IFT122: variants seen among roughly 807,000 people sequenced by gnomAD.
IFT122 encodes the protein intraflagellar transport 122.
IFT122 carries 118 observed loss-of-function variants against 161.6 expected under a neutral mutation model. The ratio of observed to expected loss-of-function variants is 0.73; its 90% CI spans 0.63 to 0.85. The LOEUF (loss-of-function observed/expected upper bound fraction) is 0.85, where lower values mean the gene tolerates loss of function less well. Among genes scored for constraint, IFT122 ranks in the 40% least tolerant of loss-of-function variants. The pLI, the probability that IFT122 is intolerant of heterozygous loss-of-function variation, is 0.00. For missense variants in IFT122, 1,381 were observed against 1,579.6 expected, an observed-to-expected ratio of 0.87 and a Z score of 2.13; for synonymous variants, 550 against 602.4, an observed-to-expected ratio of 0.91 and a Z score of 1.27.
intron 3 of IFT122, among the ~76,000 whole-genome samples, chr3:129,457,427 A>G (rs2075644434): frequency 6.6e-6 from 1 of 152,144 alleles, no homozygotes; most frequent in Non-Finnish European, 1.5e-5. Context: ...CCGTTCCATG[A>G]TGACTCCGCT....
chr3:129,464,840 T>G, intron 7 of IFT122, 59 bp downstream of exon 7: 1 of 1,583,636 alleles, frequency 6.3e-7, no homozygotes, highest in African/African-American at 1.3e-5. Context: ...GGGCTTTTTG[T>G]CTTCCTGAGG....
Position 129,499,907 on chromosome 3 carries a change from C to T in IFT122, c.2214C>T (p.Phe738=), listed in dbSNP as rs776176217. The T allele has an allele frequency of 2.5e-6, 4 of 1,614,098 alleles. No individual in the cohort carries two copies. Among genetic ancestry groups the T allele is most frequent in the Non-Finnish European group, 3.4e-6 (4 of 1,180,010 alleles). Reference sequence around the variant, plus strand: ...TGTTTGTTGTGCTTCCTCAGGATTTCCTTGGATCTGGAGACCCCAAAGAAA... The same window carrying T: ...TGTTTGTTGTGCTTCCTCAGGATTTTCTTGGATCTGGAGACCCCAAAGAAA... ...DLCMFEYAKD[F]LGSGDPKETK... Residue 738 remains phenylalanine, a synonymous_variant, in exon 19 of 30, where the codon TTC becomes TTT. Transcript: ENST00000348417.
intron 3 of IFT122, among the ~76,000 whole-genome samples, chr3:129,452,914 A>G (rs1459445472): frequency 1.3e-5 from 2 of 152,112 alleles, no homozygotes; most frequent in Non-Finnish European, 2.9e-5. Flanking sequence ...CTCTGGATAT[A>G]ATGGGAGGGT....
chr3:129,475,696 C>T (rs1003852196), intron 9 of IFT122, among the ~76,000 whole-genome samples: 2 of 151,950 alleles, frequency 1.3e-5, no homozygotes, highest in African/African-American at 2.4e-5. Flanking sequence ...CACCTATGGT[C>T]CCAGCTACTT....
chr3:129,478,315 A>G, intron 12 of IFT122, 97 bp downstream of exon 12: 6 of 985,366 alleles, frequency 6.1e-6, no homozygotes, highest in Non-Finnish European at 9.5e-6. Context: ...ACTGGTCACT[A>G]GAAAACAAGT....
intron 3 of IFT122, chr3:129,456,185 A>G: frequency 1.6e-6 from 2 of 1,214,798 alleles, no homozygotes; most frequent in Non-Finnish European, 2.2e-6. Flanking sequence ...ATTCTGACCC[A>G]GAGACTCTGA....
At chr3:129,508,497 C>T (rs1423511671) in intron 23 of IFT122, among the ~76,000 whole-genome samples, 2 of 152,192 alleles carry the variant, frequency 1.3e-5, no homozygotes, top group Non-Finnish European at 2.9e-5. Flanking sequence ...AAGCCCTAGA[C>T]AGAGAGGTCT....
chr3:129,504,547 A>G (rs1327448512), intron 21 of IFT122, 126 bp downstream of exon 21: 2 of 791,316 alleles, frequency 2.5e-6, no homozygotes, highest in Non-Finnish European at 4.4e-6. Context: ...CATCCTGGGG[A>G]TGTGATTGTT....
intron 18 of IFT122, among the ~76,000 whole-genome samples, chr3:129,496,896 T>G (rs999639462): frequency 5.9e-5 from 9 of 152,180 alleles, no homozygotes; most frequent in African/African-American, 2.2e-4. Context: ...TAACTCAGGA[T>G]GAACCCTTAA....
chr3:129,468,298 A>C (rs1184036274), intron 8 of IFT122, among the ~76,000 whole-genome samples: 2 of 152,166 alleles, frequency 1.3e-5, no homozygotes, highest in African/African-American at 4.8e-5. Context: ...ATAAACAAAG[A>C]GGCAACATTA....
intron 1 of IFT122, among the ~76,000 whole-genome samples, chr3:129,442,338 GGTT>G (rs1236195970): frequency 6.6e-6 from 1 of 152,088 alleles, no homozygotes; most frequent in African/African-American, 2.4e-5. Context: ...ACAGGTCAGT[GGTT>G]GTTGTTACTA....
intron 10 of IFT122, 30 bp from the exon 11 acceptor site, chr3:129,476,633 C>G (rs1334921762): frequency 1.2e-6 from 2 of 1,614,206 alleles, no homozygotes; most frequent in Admixed American, 3.3e-5. Flanking sequence ...CTCCAGAGAG[C>G]TGGGAATTGA....
rs762952329 is a variant in IFT122, at chr3:129,516,578, CAG to C, written c.3266-885_3266-884del. 7.9e-4 allele frequency among the ~76,000 whole-genome samples: 95 copies of C among 119,872 alleles called. 4 individuals carry two copies. In the East Asian group the frequency reaches 0.014, roughly 18 times the overall value. 78.6% of individuals were successfully genotyped at this position (119,872 alleles called of 152,430 possible). ...GATTGCTCCTGCACACACACACACA[CAG>C]AGAGACTGCCCCTGCACACACACAG... is the stretch of plus-strand genomic sequence containing the variant. On this transcript the variant is annotated intron_variant, in intron 26 of 29. Coordinates refer to ENST00000348417, the MANE Select transcript of IFT122 (RefSeq NM_052989.3).
At chr3:129,452,250 G>T (rs932405146) in intron 3 of IFT122, 1 of 463,822 alleles carries the variant, frequency 2.2e-6, no homozygotes, top group Non-Finnish European at 4.0e-6. Flanking sequence ...CCCTTATGGG[G>T]CTTCTGTTTT....
rs1427767989 is a variant in IFT122, at chr3:129,458,587, A to G, written c.194-12A>G. 3 of 1,612,354 alleles carry G rather than the reference A, an allele frequency of 1.9e-6. No homozygotes were observed. In the African/African-American group the frequency reaches 4.0e-5, roughly 21 times the overall value. On this transcript the variant is annotated splice_polypyrimidine_tract_variant and intron_variant, in intron 3 of 29. Coordinates refer to ENST00000348417, the MANE Select transcript of IFT122 (RefSeq NM_052989.3). ...ATAAATGTAAGACTTTCCATTTTAC[A>G]AACACTTTTAGGCAAGCGCTTTGCT...
At chr3:129,499,157 AT>A (rs1422208888) in intron 18 of IFT122, among the ~76,000 whole-genome samples, 1 of 152,182 alleles carries the variant, frequency 6.6e-6, no homozygotes, top group Non-Finnish European at 1.5e-5. Context: ...CCACTGTCGG[AT>A]CAGGTTCTCA....
chr3:129,460,946 A>G lies in IFT122; in HGVS notation c.273-282A>G, dbSNP rs2076150464. The G allele has an allele frequency of 2.5e-6, 4 of 1,611,942 alleles. No individual in the cohort carries two copies. The highest frequency in any genetic ancestry group is 3.4e-6 in the Non-Finnish European group (4 of 1,178,126). ...GTAACAGCCACAGATAAAGCACCTA[A>G]AGGCCAAGGTGGGAGGATTGATTGC... is the stretch of plus-strand genomic sequence containing the variant. On this transcript the variant is annotated intron_variant, in intron 4 of 29. Coordinates refer to ENST00000348417, the MANE Select transcript of IFT122 (RefSeq NM_052989.3).
At chr3:129,481,503 A>G (rs2078642135) in intron 13 of IFT122, 27 bp from the exon 14 acceptor site, 2 of 1,478,596 alleles carry the variant, frequency 1.4e-6, no homozygotes, top group Admixed American at 1.7e-5. Flanking sequence ...ATGGTGACTG[A>G]CACTGTTTTC....
At chr3:129,456,251 G>T in intron 3 of IFT122, 1 of 1,277,636 alleles carries the variant, frequency 7.8e-7, no homozygotes, top group Non-Finnish European at 1.0e-6. Flanking sequence ...GATGAGGGAG[G>T]AGTGATGGAA....
Sources: gnomAD v4.1 joint callset for allele counts (sites outside exome capture counted in the v4.1 genomes callset) on GRCh38, gnomAD v4.1.1 for gene constraint, MANE v1.5 for transcripts, NCBI Gene and HGNC (gene_info 2026-07-23, HGNC 2026-07-21) for gene names.